Variants in ZNF100 observed in about 807,000 individuals in gnomAD.
The protein encoded by ZNF100 is zinc finger protein 100 (Y1).
A neutral mutation model predicts 15.8 loss-of-function variants in ZNF100; 12 were observed. That is an observed-to-expected ratio of 0.76 (90% CI 0.49 to 1.23). The LOEUF (loss-of-function observed/expected upper bound fraction) is 1.23. Among genes scored for constraint, ZNF100 ranks in the 50% most tolerant of loss-of-function variants. The pLI, the probability that ZNF100 is intolerant of heterozygous loss-of-function variation, is 0.00. For synonymous variants in ZNF100, 226 were observed against 214.8 expected (o/e 1.05, Z -0.45); for missense variants, 670 against 635.6 (o/e 1.05, Z -0.58).
rs1176653661 is a variant in ZNF100 at position 21,727,655 on chromosome 19, G to T, written c.657C>A (p.His219Gln). The T allele has an allele frequency of 6.2e-7, 1 of 1,612,944 alleles. No homozygotes were observed. ...KCEKSFCMLL[H>Q]LTQHKRFHIT... is the part of the protein sequence containing the mutation. ...TATGAAATCTTTTATGTTGAGTTAG[G>T]TGTAAAAGCATGCAAAATGATTTTT... is the stretch of plus-strand genomic sequence containing the variant. The change falls in exon 5 of 5, where the codon CAC becomes CAA. Residue 219 changes from histidine to glutamine, a missense_variant. By Grantham distance (24) the His-to-Gln change is conservative. Coordinates refer to ENST00000358296, the MANE Select transcript of ZNF100 (RefSeq NM_173531.4).
At chr19:21,734,366 A>G (rs1671676867) in intron 4 of ZNF100, among the ~76,000 whole-genome samples, 1 of 152,234 alleles carries the variant, frequency 6.6e-6, no homozygotes, top group Non-Finnish European at 1.5e-5. Flanking sequence ...AGAGAGGAAC[A>G]TAAACGACCT....
At chr19:21,729,226 C>G (rs1391930988) in intron 4 of ZNF100, among the ~76,000 whole-genome samples, 1 of 152,018 alleles carries the variant, frequency 6.6e-6, no homozygotes, top group African/African-American at 2.4e-5. Flanking sequence ...CTGTAAAATA[C>G]AGCAATCAAG....
intron 2 of ZNF100, among the ~76,000 whole-genome samples, chr19:21,746,149 A>G (rs963250782): frequency 2.0e-5 from 3 of 152,222 alleles, no homozygotes; most frequent in African/African-American, 7.2e-5. Flanking sequence ...CCATAGTAGG[A>G]CGAATTTTTA....
intron 2 of ZNF100, among the ~76,000 whole-genome samples, chr19:21,757,998 C>T (rs2145739772): frequency 6.6e-6 from 1 of 152,010 alleles, no homozygotes; most frequent in South Asian, 2.1e-4. Flanking sequence ...AACTGTACTG[C>T]ACTTCAGCCT....
chr19:21,767,548 C>G lies in ZNF100; in HGVS notation c.-119G>C, dbSNP rs2036586857. On this transcript the variant is annotated 5_prime_UTR_variant, in exon 1 of 5. Coordinates refer to ENST00000358296, the MANE Select transcript of ZNF100 (RefSeq NM_173531.4). ...AGACACAGAGAAGTGAGAGCAAAAC[C>G]TGGAGCTCCGGCTACAGCGAGAGAC... is the stretch of plus-strand genomic sequence containing the variant. The G allele has an allele frequency of 1.9e-5, 27 of 1,454,864 alleles. No individual in the cohort carries two copies. The highest frequency in any genetic ancestry group is 2.4e-5 in the Non-Finnish European group (26 of 1,069,448). The allele number at this position is 1,454,864 out of a possible 1,614,324, so 90.1% of individuals were successfully genotyped here. A position where few individuals can be genotyped will look rare whatever the true frequency, so the allele number is the denominator to read the frequency against.
At chr19:21,762,745 T>C (rs1269603795) in intron 2 of ZNF100, among the ~76,000 whole-genome samples, 1 of 152,168 alleles carries the variant, frequency 6.6e-6, no homozygotes, top group Non-Finnish European at 1.5e-5. Flanking sequence ...CAGAGGCATA[T>C]TGAACCAAAG....
chr19:21,742,302 C>CA (rs35299156), intron 4 of ZNF100, among the ~76,000 whole-genome samples: 1,019 of 65,558 alleles, frequency 0.016, 16 homozygotes, highest in African/African-American at 0.042. Context: ...GTCCCCCACC[C>CA]AAAAAAAAAA....
intron 2 of ZNF100, among the ~76,000 whole-genome samples, chr19:21,758,609 GT>G (rs1266995595): frequency 6.6e-6 from 1 of 152,202 alleles, no homozygotes; most frequent in Non-Finnish European, 1.5e-5. Context: ...TTGTCTGGGG[GT>G]TGGGATATGC....
intron 2 of ZNF100, among the ~76,000 whole-genome samples, chr19:21,760,670 T>C (rs1050345670): frequency 7.3e-5 from 11 of 151,536 alleles, no homozygotes; most frequent in Non-Finnish European, 1.5e-4. Flanking sequence ...TGTAGTCCAC[T>C]ATAAGACAAT....
At chr19:21,754,693 C>T (rs1160280228) in intron 2 of ZNF100, among the ~76,000 whole-genome samples, 1 of 152,138 alleles carries the variant, frequency 6.6e-6, no homozygotes, top group Admixed American at 6.5e-5. Context: ...CCATAAAAAC[C>T]CTAAATGAAA....
rs2035795912 is a variant in ZNF100 at position 21,726,783 on chromosome 19, T to G, written c.1529A>C (p.Glu510Ala). 1 of 1,613,714 alleles carries G rather than the reference T, an allele frequency of 6.2e-7. No individual in the cohort carries two copies. The change falls in exon 5 of 5, where the codon GAG becomes GCG. Residue 510 changes from glutamate to alanine, a missense_variant. Glu to Ala is a moderately radical substitution (Grantham distance 107). Transcript: ENST00000358296. ...LTKHKITHTG[E>A]KSYKWEECGK... ...ACATTCTTCCCATTTGTAAGATTTC[T>G]CTCCAGTATGAGTTATCTTATGTTT...
intron 4 of ZNF100, among the ~76,000 whole-genome samples, chr19:21,729,142 C>G (rs2035868473): frequency 6.6e-6 from 1 of 152,012 alleles, no homozygotes; most frequent in Admixed American, 6.6e-5. Flanking sequence ...CCAGCATAGT[C>G]TTATGAGACA....
chr19:21,747,155 C>T (rs2036226029), intron 2 of ZNF100, among the ~76,000 whole-genome samples: 1 of 152,176 alleles, frequency 6.6e-6, no homozygotes, highest in Admixed American at 6.5e-5. Flanking sequence ...GGCCACACTG[C>T]CCTGTCCCTA....
chr19:21,754,236 C>CAA lies in ZNF100; in HGVS notation c.97-9171_97-9170dup, dbSNP rs79087603. Among the ~76,000 whole-genome samples, 1,177 of 146,116 alleles carry CAA rather than the reference C, an allele frequency of 8.1e-3. 14 individuals carry two copies. The highest frequency in any genetic ancestry group is 0.028 in the African/African-American group (1,101 of 39,832). On this transcript the variant is annotated intron_variant, in intron 2 of 4. Transcript: ENST00000358296. ...ATAAAAATATTACAATCTACCACCT[C>CAA]AAAAAAAAAACAACAAAACATTGTT...
chr19:21,751,721 C>T (rs2145730443), intron 2 of ZNF100: 1 of 1,231,394 alleles, frequency 8.1e-7, no homozygotes, highest in East Asian at 2.3e-5. Context: ...TTATGCCAAA[C>T]ACTACCTTGA....
chr19:21,725,644 G>T lies in ZNF100; in HGVS notation c.*1039C>A, dbSNP rs939337199. 3.3e-5 allele frequency: 5 copies of T among 152,096 alleles called. No individual in the cohort carries two copies. The highest frequency in any genetic ancestry group is 1.2e-4 in the African/African-American group (5 of 41,432). The allele number at this position is 152,096 out of a possible 1,614,324, so 9.4% of individuals were successfully genotyped here. A position where few individuals can be genotyped will look rare whatever the true frequency, so the allele number is the denominator to read the frequency against. On this transcript the variant is annotated 3_prime_UTR_variant, in exon 5 of 5. Coordinates refer to ENST00000358296, the MANE Select transcript of ZNF100 (RefSeq NM_173531.4). ...GAAGAAAAGGCAGGAAATAATTTAA[G>T]AGTTGAATTACATTATTACTCACTT...
intron 2 of ZNF100, among the ~76,000 whole-genome samples, chr19:21,748,679 A>G (rs2036252110): frequency 6.6e-6 from 1 of 151,980 alleles, no homozygotes; most frequent in African/African-American, 2.4e-5. Flanking sequence ...ACACAACAAT[A>G]TAAAAAGAAG....
intron 4 of ZNF100, among the ~76,000 whole-genome samples, chr19:21,740,546 AGTCACAT>A (rs1409066087): frequency 6.6e-6 from 1 of 152,034 alleles, no homozygotes; most frequent in African/African-American, 2.4e-5. Context: ...AATATTTGCA[AGTCACAT>A]GTGATAAGAG....
intron 2 of ZNF100, 70 bp downstream of exon 2, chr19:21,765,624 A>G (rs971165586): frequency 2.9e-5 from 42 of 1,431,974 alleles, no homozygotes; most frequent in Middle Eastern, 1.8e-4. Flanking sequence ...TGATTGGCTG[A>G]CCAGCAACGT....
Sources: allele counts gnomAD v4.1 joint callset (sites outside exome capture counted in the v4.1 genomes callset), GRCh38; gene constraint gnomAD v4.1.1; transcripts MANE v1.5; gene names NCBI Gene and HGNC (gene_info 2026-07-23, HGNC 2026-07-21).